Variants in MYOZ2 observed in about 807,000 individuals in gnomAD.
MYOZ2 encodes the protein myozenin 2.
In MYOZ2, 19 loss-of-function variants were observed where a neutral mutation model predicts 25.4. The observed-to-expected ratio is 0.75, with a 90% confidence interval of 0.52 to 1.10. The LOEUF is 1.10. MYOZ2 is among the 50% of genes least tolerant of loss of function. The pLI is 0.00. For synonymous variants in MYOZ2, 92 were observed against 106.9 expected (o/e 0.86, Z 0.86); for missense variants, 270 against 317.9 (o/e 0.85, Z 1.15).
At chr4:119,175,749 C>CT (rs143324455) in intron 5 of MYOZ2, among the ~76,000 whole-genome samples, 34,918 of 147,610 alleles carry the variant, frequency 0.24, 4,070 homozygotes, top group Middle Eastern at 0.29. Flanking sequence ...GAGGCTCCAT[C>CT]TTAAAAAAAA....
At chr4:119,183,151 C>T (rs1021136419) in intron 5 of MYOZ2, among the ~76,000 whole-genome samples, 12 of 151,764 alleles carry the variant, frequency 7.9e-5, no homozygotes, top group Admixed American at 2.0e-4. Flanking sequence ...TATATTGTAA[C>T]GAATTACAAA....
chr4:119,166,958 C>T (rs1248659122), intron 5 of MYOZ2, among the ~76,000 whole-genome samples: 2 of 152,174 alleles, frequency 1.3e-5, no homozygotes, highest in Non-Finnish European at 2.9e-5. Context: ...TTTCCTGGGC[C>T]TCCCTATTCC....
intron 2 of MYOZ2, among the ~76,000 whole-genome samples, chr4:119,141,484 G>A (rs909511149): frequency 6.6e-6 from 1 of 152,136 alleles, no homozygotes; most frequent in Non-Finnish European, 1.5e-5. Context: ...CTGAGTTCAA[G>A]TGATTCTCCT....
chr4:119,150,377 T>C (rs114690102), intron 2 of MYOZ2, among the ~76,000 whole-genome samples: 2,899 of 152,142 alleles, frequency 0.019, 98 homozygotes, highest in African/African-American at 0.066. Flanking sequence ...CTGCCTACTT[T>C]ATGGAGGTTA....
chr4:119,169,702 A>C (rs183541982), intron 5 of MYOZ2, among the ~76,000 whole-genome samples: 1 of 152,328 alleles, frequency 6.6e-6, no homozygotes, highest in African/African-American at 2.4e-5. Context: ...AACACCAAAT[A>C]GGAGTATAGG....
chr4:119,181,421 G>A (rs1341910384), intron 5 of MYOZ2, among the ~76,000 whole-genome samples: 1 of 151,782 alleles, frequency 6.6e-6, no homozygotes, highest in Non-Finnish European at 1.5e-5. Flanking sequence ...TCATCATATT[G>A]TCTGCTCCCT....
intron 3 of MYOZ2, among the ~76,000 whole-genome samples, chr4:119,154,513 A>G (rs961074269): frequency 2.6e-5 from 4 of 152,130 alleles, no homozygotes; most frequent in African/African-American, 9.7e-5. Flanking sequence ...AATGAGAAAG[A>G]GTTGATTTTC....
chr4:119,160,008 A>G (rs1374240031), intron 4 of MYOZ2, among the ~76,000 whole-genome samples: 1 of 152,182 alleles, frequency 6.6e-6, no homozygotes, highest in Non-Finnish European at 1.5e-5. Flanking sequence ...GAAAAGAAAT[A>G]AGGTTTAGAA....
intron 5 of MYOZ2, among the ~76,000 whole-genome samples, chr4:119,174,560 G>A (rs1242844310): frequency 6.6e-6 from 1 of 152,110 alleles, no homozygotes; most frequent in African/African-American, 2.4e-5. Flanking sequence ...GAACCTTTGT[G>A]TCCATACTCT....
chr4:119,151,083 A>G lies in MYOZ2; in HGVS notation c.246+42A>G, dbSNP rs6828349. The G allele has an allele frequency of 0.69, 1,054,209 of 1,536,358 alleles. 369,440 individuals are homozygous for G. Among genetic ancestry groups the G allele is most frequent in the Non-Finnish European group, 0.73 (806,346 of 1,111,884 alleles). ...CAGGTAGTATCCAAATGAATGCGCA[A>G]TATTTCTAAATTTGTATTTATGACT... On this transcript the variant is annotated intron_variant, in intron 3 of 5. Coordinates refer to ENST00000307128, the MANE Select transcript of MYOZ2 (RefSeq NM_016599.5).
At chr4:119,185,936 G>A in intron 5 of MYOZ2, 30 bp from the exon 6 acceptor site, 1 of 1,532,882 alleles carries the variant, frequency 6.5e-7, no homozygotes, top group South Asian at 1.1e-5. Context: ...AATATTAATT[G>A]AGATCTGTTT....
intron 5 of MYOZ2, among the ~76,000 whole-genome samples, chr4:119,171,208 C>T (rs1741939455): frequency 6.6e-6 from 1 of 151,990 alleles, no homozygotes; most frequent in Non-Finnish European, 1.5e-5. Context: ...TCATTATTCA[C>T]AAATGACATG....
intron 5 of MYOZ2, among the ~76,000 whole-genome samples, chr4:119,168,282 T>A (rs1018706848): frequency 6.6e-6 from 1 of 152,240 alleles, no homozygotes. Context: ...TAATACTTTT[T>A]ATGCCTGTTG....
intron 5 of MYOZ2, among the ~76,000 whole-genome samples, chr4:119,184,309 C>A (rs1372552825): frequency 6.6e-6 from 1 of 152,234 alleles, no homozygotes; most frequent in Non-Finnish European, 1.5e-5. Flanking sequence ...CCCACCCTCA[C>A]CTGCTAGCCT....
rs762641444 is a variant in MYOZ2, at chr4:119,186,011, T to A, written c.606T>A (p.Val202=). 2 of 1,614,078 alleles carry A rather than the reference T, an allele frequency of 1.2e-6. No individual in the cohort carries two copies. Among genetic ancestry groups the A allele is most frequent in the South Asian group, 2.2e-5 (2 of 91,084 alleles). The change falls in exon 6 of 6, where the codon GTT becomes GTA. Residue 202 remains valine (V), a synonymous_variant. Transcript: ENST00000307128. ...GTTTTGAAAAAGCATCAAGAATGGT[T>A]AAATTTAAAGTTCCAGATTTTGAGC... ...FGGFEKASRM[V]KFKVPDFELL...
In MYOZ2 at chr4:119,155,856, G is replaced by A. The variant is rs1198871082; in HGVS notation, c.247-2166G>A. 5.3e-5 allele frequency among the ~76,000 whole-genome samples: 8 copies of A among 152,048 alleles called. No homozygotes were observed. In the South Asian group the frequency reaches 6.2e-4, roughly 12 times the overall value. On this transcript the variant is annotated intron_variant, in intron 3 of 5. Coordinates refer to ENST00000307128, the MANE Select transcript of MYOZ2 (RefSeq NM_016599.5). ...AGTATGAGCAATGAGGATAACAGGA[G>A]CATGAAGACTAAAGTGAAAAAGGAA... is the stretch of plus-strand genomic sequence containing the variant.
At chr4:119,169,099 CA>C (rs1160582619) in intron 5 of MYOZ2, among the ~76,000 whole-genome samples, 3 of 131,590 alleles carry the variant, frequency 2.3e-5, no homozygotes, top group Non-Finnish European at 3.5e-5. Flanking sequence ...ACTCCACCAA[CA>C]AAAAATTTCA....
intron 5 of MYOZ2, among the ~76,000 whole-genome samples, chr4:119,185,210 A>G (rs1316899328): frequency 7.1e-6 from 1 of 141,752 alleles, no homozygotes; most frequent in Non-Finnish European, 1.5e-5. Context: ...AGGTCTTGCT[A>G]TATCACCCAC....
In MYOZ2 at chr4:119,187,243, T is replaced by A. The variant is rs1339585493; in HGVS notation, c.*1043T>A. On this transcript the variant is annotated 3_prime_UTR_variant, in exon 6 of 6. Coordinates refer to ENST00000307128, the MANE Select transcript of MYOZ2 (RefSeq NM_016599.5). Reference sequence around the variant, plus strand: ...ACTAATATAAAGTTATAGTTATATCTTAAAATATAATTGAAGAAGCATATG... The same window carrying A: ...ACTAATATAAAGTTATAGTTATATCATAAAATATAATTGAAGAAGCATATG... The A allele has an allele frequency of 1.3e-5, 2 of 152,162 alleles. No homozygotes were observed. Among genetic ancestry groups the A allele is most frequent in the African/African-American group, 4.8e-5 (2 of 41,446 alleles). The allele number at this position is 152,162 out of a possible 1,614,324, so 9.4% of individuals were successfully genotyped here.
Sources: gnomAD v4.1 joint callset for allele counts (sites outside exome capture counted in the v4.1 genomes callset) on GRCh38, gnomAD v4.1.1 for gene constraint, MANE v1.5 for transcripts, NCBI Gene and HGNC (gene_info 2026-07-23, HGNC 2026-07-21) for gene names.